Variants in CHD2 observed in about 807,000 individuals in gnomAD.
The protein encoded by CHD2 is chromodomain helicase DNA binding protein 2.
CHD2 carries 28 observed loss-of-function variants against 243.9 expected under a neutral mutation model. That is an observed-to-expected ratio of 0.11 (90% confidence interval 0.09 to 0.16). The LOEUF (loss-of-function observed/expected upper bound fraction) is 0.16, where lower values mean the gene tolerates loss of function less well. Among genes scored for constraint, CHD2 ranks in the 10% least tolerant of loss-of-function variants. The pLI is 1.00. For missense variants in CHD2, 1,386 were observed against 2,209.8 expected (o/e 0.63, Z 7.47); for synonymous variants, 775 against 779.0 (o/e 0.99, Z 0.09).
intron 38 of CHD2, chr15:93,021,215 G>A (rs2054531137): frequency 6.6e-6 from 1 of 152,070 alleles, no homozygotes; most frequent in African/African-American, 2.4e-5. Flanking sequence ...TTCTTTCAGT[G>A]CTTTAAAGAT....
chr15:92,951,716 G>C (rs2053556654), intron 13 of CHD2, among the ~76,000 whole-genome samples: 1 of 152,066 alleles, frequency 6.6e-6, no homozygotes. Flanking sequence ...GAAAAGTGAG[G>C]GAAATAAGAA....
chr15:92,937,250 A>G (rs1443505853), intron 5 of CHD2, among the ~76,000 whole-genome samples: 1 of 149,512 alleles, frequency 6.7e-6, no homozygotes, highest in African/African-American at 2.4e-5. Context: ...TTATGGTTTC[A>G]ATCTTGTCAA....
intron 3 of CHD2, among the ~76,000 whole-genome samples, chr15:92,926,137 A>C (rs192429516): frequency 8.1e-4 from 123 of 152,254 alleles, no homozygotes; most frequent in Admixed American, 2.8e-3. Context: ...ACACCTGTCT[A>C]ATTTTTAAAT....
At chr15:92,992,819 C>T (rs1481850128) in intron 27 of CHD2, 40 bp from the exon 28 acceptor site, 1 of 1,604,568 alleles carries the variant, frequency 6.2e-7, no homozygotes, top group South Asian at 1.1e-5. Context: ...GAAGAGTGGG[C>T]ACAGGGTCCT....
chr15:93,022,906 C>T (rs1358384146), intron 38 of CHD2, among the ~76,000 whole-genome samples: 2 of 152,234 alleles, frequency 1.3e-5, no homozygotes, highest in East Asian at 3.8e-4. Context: ...TTGAAAACCA[C>T]TGTTCTATGC....
intron 12 of CHD2, chr15:92,946,551 A>G (rs963673780): frequency 1.3e-5 from 2 of 157,426 alleles, no homozygotes; most frequent in East Asian, 1.8e-4. Context: ...CACTGGCACT[A>G]TCTTGGCTAA....
At chr15:92,991,002 G>A (rs980905541) in intron 26 of CHD2, among the ~76,000 whole-genome samples, 2 of 152,112 alleles carry the variant, frequency 1.3e-5, no homozygotes, top group African/African-American at 4.8e-5. Flanking sequence ...ATTTGAGACA[G>A]TCAAAAAAAT....
intron 3 of CHD2, 51 bp from the exon 4 acceptor site, chr15:92,927,187 GATAATA>G (rs930625679): frequency 5.7e-6 from 7 of 1,238,304 alleles, no homozygotes; most frequent in Non-Finnish European, 7.0e-6. Flanking sequence ...ATAAACGTTT[GATAATA>G]ATAATGGGGG....
intron 34 of CHD2, among the ~76,000 whole-genome samples, chr15:93,007,355 A>G (rs936258527): frequency 2.0e-5 from 3 of 152,222 alleles, no homozygotes; most frequent in African/African-American, 7.2e-5. Flanking sequence ...CAAAATTGAC[A>G]TATTTGGAAT....
intron 2 of CHD2, chr15:92,904,358 G>T: frequency 1.3e-6 from 1 of 789,260 alleles, no homozygotes; most frequent in Admixed American, 6.2e-5. Flanking sequence ...GTCAACGGCG[G>T]CGCCTTCGGC....
At chr15:93,003,611 G>C (rs1173862157) in intron 33 of CHD2, among the ~76,000 whole-genome samples, 5 of 150,680 alleles carry the variant, frequency 3.3e-5, no homozygotes, top group Admixed American at 2.0e-4. Context: ...CAGGCGGGGG[G>C]AGACGCTGAT....
At chr15:92,917,792 T>TACACACACACACTC (rs2052871190) in intron 2 of CHD2, among the ~76,000 whole-genome samples, 1 of 152,070 alleles carries the variant, frequency 6.6e-6, no homozygotes, top group African/African-American at 2.4e-5. Context: ...CACACGCACA[T>TACACACACACACTC]ACACACACAC....
intron 23 of CHD2, 55 bp downstream of exon 23, chr15:92,980,966 C>G (rs745498917): frequency 1.3e-5 from 15 of 1,173,734 alleles, no homozygotes; most frequent in Admixed American, 5.7e-5. Flanking sequence ...CTGTGAGAGT[C>G]TAACTTTTCT....
rs554790583 is a variant in CHD2, at chr15:92,992,725, A to G, written c.3456-134A>G. The stretch of plus-strand genomic sequence containing the variant: ...GTCCAGGGGTTCTTGTTGGAGCCTT[A>G]GAATGACCACTAAAGGAACGCAAAG... On this transcript the variant is annotated intron_variant, in intron 27 of 38. Coordinates refer to ENST00000394196, the MANE Select transcript of CHD2 (RefSeq NM_001271.4). 6.0e-5 allele frequency: 63 copies of G among 1,051,388 alleles called. No individual in the cohort carries two copies. In the African/African-American group the frequency reaches 8.4e-4, roughly 14 times the overall value. 65.1% of individuals were successfully genotyped at this position (1,051,388 alleles called of 1,614,324 possible). A position where few individuals can be genotyped will look rare whatever the true frequency, so the allele number is the denominator to read the frequency against.
At chr15:92,981,313 C>A in intron 23 of CHD2, 52 bp from the exon 24 acceptor site, 1 of 1,292,660 alleles carries the variant, frequency 7.7e-7, no homozygotes, top group Non-Finnish European at 1.1e-6. Flanking sequence ...GGCAACTAGG[C>A]AACTCATCTG....
intron 7 of CHD2, among the ~76,000 whole-genome samples, chr15:92,940,486 G>C (rs1037824200): frequency 6.6e-6 from 1 of 151,690 alleles, no homozygotes; most frequent in Non-Finnish European, 1.5e-5. Flanking sequence ...ACAGATATAT[G>C]CAAACACTAG....
In CHD2 at chr15:93,004,703, C is replaced by T. The variant is rs2054298007; in HGVS notation, c.4365C>T (p.Pro1455=). The T allele has an allele frequency of 6.2e-7, 1 of 1,613,586 alleles. No individual in the cohort carries two copies. Among genetic ancestry groups the T allele is most frequent in the Non-Finnish European group, 8.5e-7 (1 of 1,179,804 alleles). The stretch of plus-strand genomic sequence containing the variant: ...TTACAGCAGGAAGTGAACCTGTCCC[C>T]ATTGGAGAGGATGAGGATGATGATC... ...VHITAGSEPV[P]IGEDEDDDLD... is the part of the protein sequence containing the mutation. The change falls in exon 34 of 39, where the codon CCC becomes CCT. Residue 1455 remains proline (P), a synonymous_variant. Coordinates refer to ENST00000394196, the MANE Select transcript of CHD2 (RefSeq NM_001271.4).
chr15:92,963,505 T>A (rs955699634), intron 16 of CHD2, among the ~76,000 whole-genome samples: 1 of 152,228 alleles, frequency 6.6e-6, no homozygotes, highest in African/African-American at 2.4e-5. Flanking sequence ...TCCACAGGTT[T>A]GTCTTTTAAG....
At chr15:92,927,886 T>A (rs1234105475) in intron 4 of CHD2, among the ~76,000 whole-genome samples, 1 of 152,238 alleles carries the variant, frequency 6.6e-6, no homozygotes, top group Non-Finnish European at 1.5e-5. Flanking sequence ...GTGATTTTTT[T>A]AAATTGGTAT....
Sources: allele counts gnomAD v4.1 joint callset (sites outside exome capture counted in the v4.1 genomes callset), GRCh38; gene constraint gnomAD v4.1.1; transcripts MANE v1.5; gene names NCBI Gene and HGNC (gene_info 2026-07-23, HGNC 2026-07-21).